The following RRM1 variants were observed in gnomAD, a reference collection of about 807,000 sequenced individuals.
The protein encoded by RRM1 is ribonucleoside-diphosphate reductase large subunit.
Under a neutral mutation model 101.5 loss-of-function variants are expected in RRM1, and 19 were observed. That is an observed-to-expected ratio of 0.19 (90% CI 0.13 to 0.27). The LOEUF is 0.27. RRM1 is among the 10% of genes least tolerant of loss of function. The pLI is 1.00. For missense variants in RRM1, 500 were observed against 962.9 expected (o/e 0.52, Z 6.36); for synonymous variants, 298 against 323.4 (o/e 0.92, Z 0.84).
Position 4,122,170 on chromosome 11 carries a change from T to C in RRM1, c.1068T>C (p.Cys356=), listed in dbSNP as rs774904496. The change falls in exon 11 of 19, where the codon TGT becomes TGC. Residue 356 remains cysteine (C), a synonymous_variant. Coordinates refer to ENST00000300738, the MANE Select transcript of RRM1 (RefSeq NM_001033.5). The part of the protein sequence containing the change: ...QDWSLMCPNE[C]PGLDEVWGEE... ...GGTCTTTGATGTGTCCAAATGAGTG[T>C]CCTGGTCTGGATGAGGTTTGGGGAG... The C allele has an allele frequency of 1.9e-6, 3 of 1,613,782 alleles. No homozygotes were observed. The highest frequency in any genetic ancestry group is 3.3e-5 in the Admixed American group (2 of 60,008).
intron 2 of RRM1, among the ~76,000 whole-genome samples, chr11:4,103,607 G>A (rs932371474): frequency 3.9e-5 from 6 of 152,056 alleles, no homozygotes; most frequent in African/African-American, 1.4e-4. Context: ...TTGGGAGACT[G>A]AGGTAGGCAG....
rs754119679 is a variant in RRM1, at chr11:4,127,204, C to G, written c.1640C>G (p.Ala547Gly). The G allele has an allele frequency of 3.1e-6, 5 of 1,612,696 alleles. No individual in the cohort carries two copies. The highest frequency in any genetic ancestry group is 1.7e-4 in the Middle Eastern group (1 of 6,050). Residue 547 changes from alanine to glycine, a missense_variant, in exon 14 of 19, where the codon GCC becomes GGC. By Grantham distance (60) the Ala-to-Gly change is moderately conservative. Coordinates refer to ENST00000300738, the MANE Select transcript of RRM1 (RefSeq NM_001033.5). ...GCTCTGGAAGCCAGCTGTGACCTTG[C>G]CAAGGAGCAGGGCCCATACGAAACC... ...YGALEASCDL[A>G]KEQGPYETYE...
intron 1 of RRM1, among the ~76,000 whole-genome samples, chr11:4,100,822 C>T (rs1460433142): frequency 2.0e-5 from 3 of 152,080 alleles, no homozygotes; most frequent in African/African-American, 7.3e-5. Context: ...TAATTAACCC[C>T]TTTCTACAAA....
At chr11:4,116,526 A>G (rs2094573662) in intron 7 of RRM1, among the ~76,000 whole-genome samples, 1 of 152,094 alleles carries the variant, frequency 6.6e-6, no homozygotes, top group African/African-American at 2.4e-5. Context: ...TGGGAGACGG[A>G]GCTTGCAGTG....
intron 15 of RRM1, among the ~76,000 whole-genome samples, chr11:4,129,566 T>A (rs1452701014): frequency 6.6e-6 from 1 of 152,178 alleles, no homozygotes; most frequent in East Asian, 1.9e-4. Context: ...ATAGGAATAA[T>A]GGATTTTGGA....
At chr11:4,110,767 T>G (rs1021522757) in intron 5 of RRM1, among the ~76,000 whole-genome samples, 9 of 103,206 alleles carry the variant, frequency 8.7e-5, no homozygotes, top group African/African-American at 3.4e-4. Flanking sequence ...AGACTCTGTC[T>G]CAAAAAAAAA....
At chr11:4,135,914 A>G (rs901223666) in intron 18 of RRM1, among the ~76,000 whole-genome samples, 8 of 150,888 alleles carry the variant, frequency 5.3e-5, no homozygotes, top group Admixed American at 4.7e-4. Flanking sequence ...TGAATAGAAG[A>G]TGATGATCTT....
intron 14 of RRM1, among the ~76,000 whole-genome samples, chr11:4,128,495 G>A (rs910365320): frequency 1.3e-5 from 2 of 152,088 alleles, no homozygotes; most frequent in Non-Finnish European, 2.9e-5. Flanking sequence ...TGCCATAATC[G>A]CTGGAGTGAC....
At chr11:4,127,893 G>A (rs2094592481) in intron 14 of RRM1, among the ~76,000 whole-genome samples, 1 of 152,204 alleles carries the variant, frequency 6.6e-6, no homozygotes, top group South Asian at 2.1e-4. Context: ...CAGGAGTCCA[G>A]ACTTAGCTTA....
intron 7 of RRM1, 144 bp from the exon 8 acceptor site, chr11:4,118,176 T>C: frequency 1.2e-6 from 1 of 802,272 alleles, no homozygotes; most frequent in Non-Finnish European, 2.0e-6. Context: ...GTAAAGTGGG[T>C]TTTCTTCTTT....
intron 8 of RRM1, 79 bp downstream of exon 8, chr11:4,118,540 T>A: frequency 2.0e-6 from 3 of 1,503,898 alleles, no homozygotes; most frequent in Non-Finnish European, 2.7e-6. Context: ...GGGCATATGC[T>A]ATTTTTTGGG....
At chr11:4,095,590 C>T (rs1018991284) in intron 1 of RRM1, among the ~76,000 whole-genome samples, 1 of 152,082 alleles carries the variant, frequency 6.6e-6, no homozygotes, top group Non-Finnish European at 1.5e-5. Context: ...AGGAGTGTGG[C>T]GTGGAAAAAA....
intron 10 of RRM1, 97 bp from the exon 11 acceptor site, chr11:4,122,044 G>C (rs2094582659): frequency 4.2e-6 from 4 of 956,958 alleles, no homozygotes; most frequent in Non-Finnish European, 6.4e-6. Context: ...ATTTCCAAGA[G>C]AGCTTGTAAA....
chr11:4,104,026 G>C (rs182576062), intron 2 of RRM1, among the ~76,000 whole-genome samples: 91 of 151,356 alleles, frequency 6.0e-4, no homozygotes, highest in African/African-American at 2.2e-3. Context: ...TGGGAGGATC[G>C]CTTGAGCCCT....
intron 4 of RRM1, among the ~76,000 whole-genome samples, chr11:4,108,553 G>A (rs889252531): frequency 1.4e-4 from 19 of 136,754 alleles, no homozygotes; most frequent in Non-Finnish European, 2.6e-4. Flanking sequence ...AGCCGAGATT[G>A]GGCCACTGCA....
chr11:4,104,255 A>G (rs146692275), intron 2 of RRM1, among the ~76,000 whole-genome samples: 201 of 152,326 alleles, frequency 1.3e-3, no homozygotes, highest in Non-Finnish European at 2.3e-3. Flanking sequence ...AACACACCTT[A>G]TCTGCTGGAT....
At chr11:4,121,166 C>G (rs1384465503) in intron 9 of RRM1, among the ~76,000 whole-genome samples, 2 of 152,182 alleles carry the variant, frequency 1.3e-5, no homozygotes, top group African/African-American at 4.8e-5. Flanking sequence ...ACACTAATCG[C>G]TTGTTGGTTT....
chr11:4,101,093 A>G (rs1475339659), intron 1 of RRM1, among the ~76,000 whole-genome samples: 1 of 152,100 alleles, frequency 6.6e-6, no homozygotes, highest in Admixed American at 6.5e-5. Context: ...ACAGAAGGGG[A>G]AGGGGGATAA....
chr11:4,118,953 A>G (rs1265599992), intron 8 of RRM1: 1 of 152,740 alleles, frequency 6.5e-6, no homozygotes, highest in Non-Finnish European at 1.5e-5. Flanking sequence ...ATCACTTAAT[A>G]TGTGGTAGAG....
Sources: allele counts gnomAD v4.1 joint callset (sites outside exome capture counted in the v4.1 genomes callset), GRCh38; gene constraint gnomAD v4.1.1; transcripts MANE v1.5; gene names NCBI Gene and HGNC (gene_info 2026-07-23, HGNC 2026-07-21).